NCOR1: variants seen among roughly 807,000 people sequenced by gnomAD.
The protein encoded by NCOR1 is protein phosphatase 1, regulatory subunit 109.
Under a neutral mutation model 288.1 loss-of-function variants are expected in NCOR1, and 63 were observed. The ratio of observed to expected loss-of-function variants is 0.22; its 90% CI spans 0.18 to 0.27. The LOEUF (loss-of-function observed/expected upper bound fraction) is 0.27. NCOR1 is among the 10% of genes least tolerant of loss of function. The pLI is 1.00. For missense variants in NCOR1, 2,397 were observed against 3,019.2 expected (o/e 0.79, Z 4.83); for synonymous variants, 1,007 against 1,065.9 (o/e 0.94, Z 1.08).
chr17:16,058,256 A>T, intron 38 of NCOR1, 192 bp from the exon 39 acceptor site: 1 of 884,672 alleles, frequency 1.1e-6, no homozygotes, highest in East Asian at 2.7e-5. Flanking sequence ...AACAAAATAT[A>T]AATGCAGAAG....
At chr17:16,056,286 T>C (rs1342134239) in intron 40 of NCOR1, among the ~76,000 whole-genome samples, 1 of 151,616 alleles carries the variant, frequency 6.6e-6, no homozygotes, top group African/African-American at 2.4e-5. Context: ...TATCTCAGTC[T>C]TGTTCTCAGC....
intron 1 of NCOR1, chr17:16,198,403 T>A (rs1316760515): frequency 6.8e-6 from 1 of 147,166 alleles, no homozygotes; most frequent in Admixed American, 6.9e-5. Context: ...TTCTCATCAA[T>A]TTATGGTTCT....
rs573860911 is a variant in NCOR1 at position 16,054,922 on chromosome 17, ACT to A, written c.6392+2590_6392+2591del. Among the ~76,000 whole-genome samples, 15 of 152,284 alleles carry A rather than the reference ACT, an allele frequency of 9.9e-5. 1 individual carries two copies. The highest frequency in any genetic ancestry group is 3.4e-3 in the Middle Eastern group (1 of 294). On this transcript the variant is annotated intron_variant, in intron 40 of 45. Coordinates refer to ENST00000268712, the MANE Select transcript of NCOR1 (RefSeq NM_006311.4). ...ACTCTAGCCTGGGCAACAGGGCAAGACTCTGTTTTAACAACAACAAAAAAAGA... is the reference window on the plus strand; with the variant it reads ...ACTCTAGCCTGGGCAACAGGGCAAGACTGTTTTAACAACAACAAAAAAAGA...
intron 1 of NCOR1, among the ~76,000 whole-genome samples, chr17:16,197,079 T>C (rs890631121): frequency 2.0e-5 from 3 of 151,942 alleles, no homozygotes; most frequent in African/African-American, 7.3e-5. Context: ...TCACGCACTT[T>C]AGGAGGCCAG....
intron 19 of NCOR1, 195 bp from the exon 20 acceptor site, chr17:16,101,952 G>T: frequency 1.5e-6 from 1 of 681,346 alleles, no homozygotes; most frequent in Non-Finnish European, 2.4e-6. Flanking sequence ...GAAGGCTAAA[G>T]TTTCCTACAG....
intron 2 of NCOR1, among the ~76,000 whole-genome samples, chr17:16,193,402 T>C (rs2089015751): frequency 1.3e-5 from 2 of 152,000 alleles, no homozygotes; most frequent in Non-Finnish European, 2.9e-5. Context: ...GGCTACTTTT[T>C]TCGTATTTTT....
intron 1 of NCOR1, among the ~76,000 whole-genome samples, chr17:16,200,703 T>G (rs1326184325): frequency 1.3e-5 from 2 of 152,056 alleles, no homozygotes; most frequent in Non-Finnish European, 2.9e-5. Flanking sequence ...AAGTATGGGG[T>G]AGGGCAATGC....
intron 37 of NCOR1, among the ~76,000 whole-genome samples, chr17:16,060,996 A>C (rs1488028420): frequency 6.6e-6 from 1 of 152,126 alleles, no homozygotes; most frequent in Non-Finnish European, 1.5e-5. Context: ...ACTTTTAAAA[A>C]CCTGTGTCTT....
rs1184440315 is a variant in NCOR1, at chr17:16,092,695, ATTT to A, written c.2821-640_2821-638del. On this transcript the variant is annotated intron_variant, in intron 21 of 45. Transcript: ENST00000268712. ...TATATATATATATATATATATATAT[ATTT>A]TTTTTTTTTTTTTTTTTTAAGACAT... Among the ~76,000 whole-genome samples the A allele has an allele frequency of 8.9e-3, 200 of 22,474 alleles. 1 individual carries two copies. The highest frequency in any genetic ancestry group is 0.029 in the East Asian group (9 of 310). 14.7% of individuals were successfully genotyped at this position (22,474 alleles called of 152,430 possible).
chr17:16,062,016 G>C (rs2152621338), intron 36 of NCOR1, 89 bp downstream of exon 36: 2 of 1,577,086 alleles, frequency 1.3e-6, no homozygotes, highest in African/African-American at 1.4e-5. Flanking sequence ...GGGCAGAAAA[G>C]CATGACTATA....
chr17:16,200,082 A>C (rs2090555539), intron 1 of NCOR1, among the ~76,000 whole-genome samples: 1 of 152,200 alleles, frequency 6.6e-6, no homozygotes, highest in Admixed American at 6.6e-5. Context: ...CTGCCAAAAA[A>C]AAAAGCAATT....
intron 4 of NCOR1, among the ~76,000 whole-genome samples, chr17:16,167,960 C>T (rs1395736837): frequency 6.6e-6 from 1 of 150,820 alleles, no homozygotes; most frequent in Non-Finnish European, 1.5e-5. Flanking sequence ...ATAGGAAAAC[C>T]ATTTGCAAAA....
At chr17:16,154,015 CTTTTTTTTTTT>C (rs61436082) in intron 6 of NCOR1, among the ~76,000 whole-genome samples, 5 of 109,676 alleles carry the variant, frequency 4.6e-5, no homozygotes, top group African/African-American at 1.1e-4. Context: ...ATGCTATTTC[CTTTTTTTTTTT>C]TTTTTTTTTT....
At chr17:16,104,286 T>A (rs943460566) in intron 19 of NCOR1, among the ~76,000 whole-genome samples, 13 of 152,156 alleles carry the variant, frequency 8.5e-5, no homozygotes, top group Non-Finnish European at 2.9e-5. Flanking sequence ...GAAAAAAAAA[T>A]ATTTTTTAAT....
chr17:16,095,150 A>G (rs866654024), intron 21 of NCOR1, among the ~76,000 whole-genome samples: 1 of 143,626 alleles, frequency 7.0e-6, no homozygotes, highest in South Asian at 2.2e-4. Context: ...CATCCCATCT[A>G]GGAAGTGAGG....
intron 32 of NCOR1, among the ~76,000 whole-genome samples, chr17:16,067,490 G>A (rs373345473): frequency 3.3e-5 from 5 of 152,182 alleles, no homozygotes; most frequent in Non-Finnish European, 5.9e-5. Context: ...TTTTATATAA[G>A]ACAGTGAGAC....
Position 16,057,483 on chromosome 17 carries a change from ATTTATATATAAT to A in NCOR1, c.6392+19_6392+30del. 1 of 1,593,208 alleles carries A rather than the reference ATTTATATATAAT, an allele frequency of 6.3e-7. No individual in the cohort carries two copies. The highest frequency in any genetic ancestry group is 8.6e-7 in the Non-Finnish European group (1 of 1,161,130). On this transcript the variant is annotated intron_variant, in intron 40 of 45. Transcript: ENST00000268712. ...ATTCCATTTGTTTTACTGTTGGGCAATTTATATATAATTTGGAATAAAGATCATACCTTCCCC... is the reference window on the plus strand; with the variant it reads ...ATTCCATTTGTTTTACTGTTGGGCAATTGGAATAAAGATCATACCTTCCCC...
At position 16,121,048 on chromosome 17, in the gene NCOR1, T is replaced by G; in HGVS notation, c.1852+4A>C. On this transcript the variant is annotated splice_donor_region_variant and intron_variant, in intron 16 of 45. Coordinates refer to ENST00000268712, the MANE Select transcript of NCOR1 (RefSeq NM_006311.4). The stretch of plus-strand genomic sequence containing the variant: ...GCCTGTTTATGCCAATTGTTTCCAC[T>G]CACTGGGTTCTGGTGGCGGTGGCAG... The G allele has an allele frequency of 3.7e-6, 6 of 1,610,780 alleles. No individual in the cohort carries two copies. The highest frequency in any genetic ancestry group is 5.1e-6 in the Non-Finnish European group (6 of 1,177,774).
intron 10 of NCOR1, among the ~76,000 whole-genome samples, chr17:16,144,618 A>G (rs2077591065): frequency 6.6e-6 from 1 of 151,666 alleles, no homozygotes; most frequent in South Asian, 2.1e-4. Flanking sequence ...CCACCTTCTA[A>G]TAGGCCCCAG....
Sources: gnomAD v4.1 joint callset for allele counts (sites outside exome capture counted in the v4.1 genomes callset) on GRCh38, gnomAD v4.1.1 for gene constraint, MANE v1.5 for transcripts, NCBI Gene and HGNC (gene_info 2026-07-23, HGNC 2026-07-21) for gene names.